The following NCOR1 variants were observed in gnomAD, a reference collection of about 807,000 sequenced individuals.
NCOR1 encodes nuclear receptor corepressor 1, also known as protein phosphatase 1, regulatory subunit 109.
A neutral mutation model predicts 288.1 loss-of-function variants in NCOR1; 63 were observed. The ratio of observed to expected loss-of-function variants is 0.22; its 90% CI spans 0.18 to 0.27. The LOEUF is 0.27. NCOR1 is among the 10% of genes least tolerant of loss of function. NCOR1 has a pLI of 1.00. For synonymous variants in NCOR1, 1,007 were observed against 1,065.9 expected (o/e 0.94, Z 1.08); for missense variants, 2,397 against 3,019.2 (o/e 0.79, Z 4.83).
At chr17:16,171,683 C>T in intron 4 of NCOR1, 120 bp downstream of exon 4, 1 of 910,524 alleles carries the variant, frequency 1.1e-6, no homozygotes, top group Non-Finnish European at 1.5e-6. Flanking sequence ...TTTTACTTTC[C>T]CATACCACTA....
intron 6 of NCOR1, among the ~76,000 whole-genome samples, chr17:16,158,356 C>G (rs952466345): frequency 6.6e-6 from 1 of 152,162 alleles, no homozygotes; most frequent in East Asian, 1.9e-4. Context: ...TTTCCACATG[C>G]AATGACCTAT....
intron 17 of NCOR1, among the ~76,000 whole-genome samples, chr17:16,119,108 T>C (rs1430723475): frequency 6.6e-6 from 1 of 152,212 alleles, no homozygotes; most frequent in Non-Finnish European, 1.5e-5. Context: ...CAGAACAATT[T>C]CAATAGCATA....
intron 44 of NCOR1, among the ~76,000 whole-genome samples, chr17:16,036,996 A>G (rs1337604741): frequency 6.6e-6 from 1 of 152,246 alleles, no homozygotes; most frequent in Non-Finnish European, 1.5e-5. Flanking sequence ...ACTAAGCTTA[A>G]TCATTTCTAA....
rs1026136890 is a variant in NCOR1, at chr17:16,065,847, T to G, written c.4742-153A>C. On this transcript the variant is annotated intron_variant, in intron 32 of 45. Transcript: ENST00000268712. ...TACAAGGATTAAGGTGGATTTATTTTAGACCTTGATGTATTAGCAATAGCA... is the reference window on the plus strand; with the variant it reads ...TACAAGGATTAAGGTGGATTTATTTGAGACCTTGATGTATTAGCAATAGCA... 4.6e-6 allele frequency: 3 copies of G among 656,746 alleles called. No homozygotes were observed. The African/African-American group carries it at 5.4e-5, about 12-fold the overall frequency. 40.7% of individuals were successfully genotyped at this position (656,746 alleles called of 1,614,324 possible).
intron 40 of NCOR1, among the ~76,000 whole-genome samples, chr17:16,050,793 G>T (rs992243306): frequency 6.6e-6 from 1 of 151,570 alleles, no homozygotes. Flanking sequence ...GAAAGATGAA[G>T]AATTTGATTT....
intron 40 of NCOR1, chr17:16,049,253 C>T: frequency 4.2e-6 from 1 of 240,366 alleles, no homozygotes; most frequent in Non-Finnish European, 8.0e-6. Context: ...GCTGCCCGGG[C>T]AGCAGCAGTG....
At chr17:16,043,924 C>T (rs971161508) in intron 42 of NCOR1, among the ~76,000 whole-genome samples, 5 of 152,146 alleles carry the variant, frequency 3.3e-5, no homozygotes, top group African/African-American at 4.8e-5. Flanking sequence ...AATCCCAACA[C>T]TTTGGGATGC....
intron 21 of NCOR1, 71 bp from the exon 22 acceptor site, chr17:16,092,129 T>C: frequency 5.3e-6 from 8 of 1,504,048 alleles, no homozygotes; most frequent in South Asian, 3.4e-5. Flanking sequence ...ACAAGTAATG[T>C]AATGCTTATT....
intron 18 of NCOR1, among the ~76,000 whole-genome samples, chr17:16,110,480 A>G (rs1031338672): frequency 6.6e-6 from 1 of 152,214 alleles, no homozygotes; most frequent in African/African-American, 2.4e-5. Flanking sequence ...GCATATACGT[A>G]AGAGTACATG....
In NCOR1 at chr17:16,032,008, G is replaced by A. The variant is rs185021409; in HGVS notation, c.*288C>T. Reference sequence around the variant, plus strand: ...TAAAGACATTATGGTTTTCTTTACAGATGTAAGAACAGCAACTGTTCACTT... The same window carrying A: ...TAAAGACATTATGGTTTTCTTTACAAATGTAAGAACAGCAACTGTTCACTT... On this transcript the variant is annotated 3_prime_UTR_variant, in exon 46 of 46. Coordinates refer to ENST00000268712, the MANE Select transcript of NCOR1 (RefSeq NM_006311.4). The A allele has an allele frequency of 4.3e-3, 1,633 of 384,066 alleles. 5 individuals are homozygous for A. The highest frequency in any genetic ancestry group is 5.6e-3 in the Non-Finnish European group (1,202 of 215,144). 23.8% of individuals were successfully genotyped at this position (384,066 alleles called of 1,614,324 possible).
chr17:16,154,654 G>A (rs768480802), intron 6 of NCOR1, among the ~76,000 whole-genome samples: 7 of 152,164 alleles, frequency 4.6e-5, no homozygotes, highest in African/African-American at 1.7e-4. Context: ...AGGGCCAGGC[G>A]GGTAAGCATG....
intron 6 of NCOR1, 87 bp from the exon 7 acceptor site, chr17:16,153,482 C>A: frequency 1.2e-6 from 1 of 856,628 alleles, no homozygotes; most frequent in South Asian, 1.8e-5. Context: ...TTATCTAAGA[C>A]TAATCTATAG....
chr17:16,057,491 A>G (rs2060072864), intron 40 of NCOR1, 23 bp downstream of exon 40: 5 of 1,598,688 alleles, frequency 3.1e-6, no homozygotes, highest in Non-Finnish European at 3.4e-6. Flanking sequence ...CAATTTATAT[A>G]TAATTTGGAA....
At chr17:16,051,548 G>A (rs929528943) in intron 40 of NCOR1, among the ~76,000 whole-genome samples, 50 of 152,182 alleles carry the variant, frequency 3.3e-4, no homozygotes, top group African/African-American at 1.2e-3. Context: ...AAGTTAGAAA[G>A]ATCTCAAGTT....
At chr17:16,132,973 C>A (rs754698376) in intron 14 of NCOR1, among the ~76,000 whole-genome samples, 3 of 148,422 alleles carry the variant, frequency 2.0e-5, no homozygotes, top group Non-Finnish European at 4.5e-5. Context: ...TTTCTCTCTT[C>A]TTTCTTTTTT....
At chr17:16,176,026 G>C (rs1462511262) in intron 3 of NCOR1, among the ~76,000 whole-genome samples, 1 of 151,764 alleles carries the variant, frequency 6.6e-6, no homozygotes, top group Non-Finnish European at 1.5e-5. Flanking sequence ...AGACCAGCCT[G>C]GCCAACATGG....
At chr17:16,075,397 A>T in intron 27 of NCOR1, 137 bp downstream of exon 27, 1 of 907,986 alleles carries the variant, frequency 1.1e-6, no homozygotes, top group Non-Finnish European at 1.7e-6. Flanking sequence ...AAGTATTACT[A>T]ACCCCATTTA....
intron 1 of NCOR1, among the ~76,000 whole-genome samples, chr17:16,211,268 T>A (rs969797381): frequency 3.3e-5 from 5 of 152,066 alleles, no homozygotes; most frequent in African/African-American, 9.7e-5. Context: ...TATTTATTTT[T>A]TTTTTTGAGA....
At chr17:16,187,901 A>T (rs1002056827) in intron 2 of NCOR1, among the ~76,000 whole-genome samples, 95 of 133,044 alleles carry the variant, frequency 7.1e-4, no homozygotes, top group Non-Finnish European at 1.2e-3. Context: ...CACCATCTTT[A>T]AAAAAAAAAA....
Sources: gnomAD v4.1 joint callset for allele counts (sites outside exome capture counted in the v4.1 genomes callset) on GRCh38, gnomAD v4.1.1 for gene constraint, MANE v1.5 for transcripts, NCBI Gene and HGNC (gene_info 2026-07-23, HGNC 2026-07-21) for gene names.